Variants in SPTBN5 observed in about 807,000 individuals in gnomAD.
SPTBN5 encodes spectrin beta chain, non-erythrocytic 5.
Under a neutral mutation model 477.6 loss-of-function variants are expected in SPTBN5, and 513 were observed. That is an observed-to-expected ratio of 1.07 (90% CI 1.00 to 1.16). SPTBN5 has a LOEUF of 1.16. Ranked by LOEUF, SPTBN5 falls within the 50% of genes most tolerant of loss-of-function variation. The probability of loss-of-function intolerance (pLI) is 0.00; values close to 1 mark genes in which losing one functional copy is unlikely to be tolerated. For missense variants in SPTBN5, 5,062 were observed against 4,731.8 expected, an observed-to-expected ratio of 1.07 and a Z score of -2.05; for synonymous variants, 2,169 against 2,011.7, an observed-to-expected ratio of 1.08 and a Z score of -2.09.
Position 41,876,668 on chromosome 15 carries a change from G to A in SPTBN5, c.3852-21C>T, listed in dbSNP as rs772650529. On this transcript the variant is annotated intron_variant, in intron 19 of 67. Coordinates refer to ENST00000320955, the MANE Select transcript of SPTBN5 (RefSeq NM_016642.4). The stretch of plus-strand genomic sequence containing the variant: ...TGACCCTGGAGGGCGGGGGGGGGTT[G>A]GAGGAGGGCATGGGAGAGGACTCCC... 8.7e-6 allele frequency: 13 copies of A among 1,495,714 alleles called. No individual in the cohort carries two copies. In the South Asian group the frequency reaches 1.0e-4, roughly 12 times the overall value. The allele number at this position is 1,495,714 out of a possible 1,614,324, so 92.7% of individuals were successfully genotyped here.
rs1387615109 is a variant in SPTBN5 at position 41,872,448 on chromosome 15, C to T, written c.5019G>A (p.Glu1673=). The stretch of plus-strand genomic sequence containing the variant: ...TGGAGCTCCAGTAAATGGCTAGTTC[C>T]TCCTGTAGAGCCTATGATGCATGAG... ...RLINKHQALQ[E]ELAIYWSSME... Residue 1673 remains glutamate, a synonymous_variant, in exon 27 of 68, where the codon GAG becomes GAA. Coordinates refer to ENST00000320955, the MANE Select transcript of SPTBN5 (RefSeq NM_016642.4). 3 of 1,560,608 alleles carry T rather than the reference C, an allele frequency of 1.9e-6. No homozygotes were observed. The highest frequency in any genetic ancestry group is 1.2e-5 in the South Asian group (1 of 84,760).
intron 6 of SPTBN5, among the ~76,000 whole-genome samples, chr15:41,886,659 T>C (rs2067161974): frequency 6.6e-6 from 1 of 152,134 alleles, no homozygotes; most frequent in Non-Finnish European, 1.5e-5. Flanking sequence ...CTGCTGTTCT[T>C]TTTCTAGGCC....
Position 41,893,276 on chromosome 15 carries a change from A to G in SPTBN5, c.216+6T>C. On this transcript the variant is annotated splice_donor_region_variant and intron_variant, in intron 2 of 67. Transcript: ENST00000320955. ...TGGGCTGTGGGTCACAGCTGGCTAT[A>G]CTCACCTGGCCGCACTGGAAGACGT... 1.2e-6 allele frequency: 2 copies of G among 1,613,816 alleles called. No homozygotes were observed. Among genetic ancestry groups the G allele is most frequent in the Non-Finnish European group, 8.5e-7 (1 of 1,179,864 alleles).
chr15:41,883,609 G>C, intron 7 of SPTBN5, 123 bp from the exon 8 acceptor site: 4 of 1,163,590 alleles, frequency 3.4e-6, no homozygotes, highest in Non-Finnish European at 4.9e-6. Context: ...GCTGGGGCAA[G>C]GTCTATGGAC....
chr15:41,891,644 C>T (rs1470676888), intron 3 of SPTBN5, among the ~76,000 whole-genome samples: 1 of 152,198 alleles, frequency 6.6e-6, no homozygotes, highest in African/African-American at 2.4e-5. Flanking sequence ...CAGCACACCG[C>T]TGATCTGGGT....
chr15:41,853,706 G>C lies in SPTBN5; in HGVS notation c.9856C>G (p.Pro3286Ala). The C allele has an allele frequency of 6.3e-7, 1 of 1,596,658 alleles. No homozygotes were observed. Among genetic ancestry groups the C allele is most frequent in the Non-Finnish European group, 8.5e-7 (1 of 1,172,840 alleles). Residue 3286 changes from proline (P) to alanine (A), a missense_variant, in exon 58 of 68, where the codon CCG becomes GCG. Physicochemically the swap from Pro to Ala is conservative, Grantham distance 27 (BLOSUM62 -1). Coordinates refer to ENST00000320955, the MANE Select transcript of SPTBN5 (RefSeq NM_016642.4). ...CRLGQLHPAA[P>A]GGLAKVQEAW... ...TCCTGCACCTTGGCCAGGCCCCCCG[G>C]AGCTGCAGGATGTAGCTGGCCCAGT...
At chr15:41,862,480 G>A in intron 43 of SPTBN5, 59 bp downstream of exon 43, 1 of 1,560,796 alleles carries the variant, frequency 6.4e-7, no homozygotes, top group Non-Finnish European at 8.7e-7. Flanking sequence ...CTGAGGGGAG[G>A]TGTGGGGACT....
rs1263751867 is a variant in SPTBN5 at position 41,872,305 on chromosome 15, G to A, written c.5162C>T (p.Thr1721Ile). Reference protein sequence around the residue: ...QLRALQELAATRDRELEGTLR... With the variant: ...QLRALQELAAIRDRELEGTLR... Reference sequence around the variant, plus strand: ...AGAGGGGTTATGGTGTCCTCACCGTGTGGCCGCCAACTCCTGCAGTGCCCG... The same window carrying A: ...AGAGGGGTTATGGTGTCCTCACCGTATGGCCGCCAACTCCTGCAGTGCCCG... Residue 1721 changes from threonine to isoleucine, a missense_variant, in exon 27 of 68, where the codon ACA becomes ATA. Coordinates refer to ENST00000320955, the MANE Select transcript of SPTBN5 (RefSeq NM_016642.4). 9 of 1,610,350 alleles carry A rather than the reference G, an allele frequency of 5.6e-6. No individual in the cohort carries two copies. The highest frequency in any genetic ancestry group is 7.6e-6 in the Non-Finnish European group (9 of 1,179,402).
At position 41,887,350 on chromosome 15, in the gene SPTBN5, T is replaced by C. The variant is rs2140967910; in HGVS notation, c.751A>G (p.Ile251Val). ...TCCTCGGGGTCCAGCAGCTGAGCAA[T>C]GCCCAGCTCCTGCTCAGCCACCAGG... ...AFLVAEQELG[I>V]AQLLDPEDVA... Residue 251 changes from isoleucine (I) to valine (V), a missense_variant, in exon 6 of 68, where the codon ATT becomes GTT. Ile to Val is a conservative substitution (Grantham distance 29). Transcript: ENST00000320955. The C allele has an allele frequency of 3.2e-6, 5 of 1,552,512 alleles. No homozygotes were observed. The highest frequency in any genetic ancestry group is 4.4e-6 in the Non-Finnish European group (5 of 1,147,732).
In SPTBN5 at chr15:41,851,042, C is replaced by A; in HGVS notation, c.10835+17G>T. ...GGCTGCTGGGGGTGATGCCGGAGTC[C>A]ATGTCTCTCCGCTCACCTTAAGGAG... On this transcript the variant is annotated intron_variant, in intron 65 of 67. Transcript: ENST00000320955. The A allele has an allele frequency of 6.2e-7, 1 of 1,608,076 alleles. No homozygotes were observed. The highest frequency in any genetic ancestry group is 1.1e-5 in the South Asian group (1 of 89,958).
At chr15:41,855,122 C>G in intron 55 of SPTBN5, 102 bp downstream of exon 55, 1 of 1,455,222 alleles carries the variant, frequency 6.9e-7, no homozygotes, top group South Asian at 1.3e-5. Context: ...GACACCCTCT[C>G]CAGGCTCCTT....
chr15:41,874,097 A>G, intron 24 of SPTBN5, 52 bp from the exon 25 acceptor site: 1 of 1,542,960 alleles, frequency 6.5e-7, no homozygotes, highest in Non-Finnish European at 8.7e-7. Flanking sequence ...GGGCGTCCGG[A>G]GCAGAGCCAT....
intron 14 of SPTBN5, 102 bp downstream of exon 14, chr15:41,880,058 C>T: frequency 6.9e-7 from 1 of 1,452,696 alleles, no homozygotes; most frequent in Non-Finnish European, 9.2e-7. Context: ...CTCCCCTCCC[C>T]CAGGCAGGAC....
chr15:41,878,026 G>A (rs545586693), intron 17 of SPTBN5, among the ~76,000 whole-genome samples: 106 of 152,316 alleles, frequency 7.0e-4, no homozygotes, highest in Non-Finnish European at 1.2e-3. Context: ...GACGGCAGGG[G>A]GGGCTAGACG....
Position 41,856,501 on chromosome 15 carries a change from TC to T in SPTBN5, c.8905del (p.Glu2969ArgfsTer37), listed in dbSNP as rs1279118724. The T allele has an allele frequency of 6.3e-7, 1 of 1,598,842 alleles. No individual in the cohort carries two copies. The highest frequency in any genetic ancestry group is 8.5e-7 in the Non-Finnish European group (1 of 1,174,184). Reference protein sequence around the residue: ...LVQAGHFAAHEVAARVQQLEK... With the variant: ...LVQAGHFAAHXVAARVQQLEK... ...CAGCTGCTGCACCCGGGCGGCCACC[TC>T]GTGGGCGGCAAAGTGCCCAGCCTGC... On this transcript the variant is annotated frameshift_variant, in exon 53 of 68. Transcript: ENST00000320955. LOFTEE classifies it high-confidence loss of function.
Position 41,883,148 on chromosome 15 carries a change from A to G in SPTBN5, c.1740T>C (p.Ala580=), listed in dbSNP as rs2067032655. ...ELLQRHDLLE[A]QVSAHGAHVS... ...CATGGGCTCCGTGGGCCGAGACTTG[A>G]GCCTCCAGCAGGTCATGCCTCTGCA... The change falls in exon 9 of 68, where the codon GCT becomes GCC. Residue 580 remains alanine, a synonymous_variant. Transcript: ENST00000320955. 1 of 1,612,726 alleles carries G rather than the reference A, an allele frequency of 6.2e-7. No homozygotes were observed. The highest frequency in any genetic ancestry group is 8.5e-7 in the Non-Finnish European group (1 of 1,179,768).
chr15:41,849,112 C>T (rs1393488264), intron 67 of SPTBN5, among the ~76,000 whole-genome samples: 1 of 152,208 alleles, frequency 6.6e-6, no homozygotes, highest in Non-Finnish European at 1.5e-5. Context: ...GGCATGGGGC[C>T]CATGCACGGA....
chr15:41,858,142 C>CA (rs1189426589), intron 49 of SPTBN5, among the ~76,000 whole-genome samples: 2 of 152,100 alleles, frequency 1.3e-5, no homozygotes, highest in African/African-American at 4.8e-5. Context: ...ACCAAAAATA[C>CA]AAAAAAGTAG....
intron 43 of SPTBN5, 98 bp downstream of exon 43, chr15:41,862,441 G>T: frequency 6.6e-7 from 1 of 1,524,458 alleles, no homozygotes; most frequent in East Asian, 2.3e-5. Flanking sequence ...TTTGAAGGGT[G>T]GAGAAGGAAT....
Sources: gnomAD v4.1 joint callset for allele counts (sites outside exome capture counted in the v4.1 genomes callset) on GRCh38, gnomAD v4.1.1 for gene constraint, MANE v1.5 for transcripts, NCBI Gene and HGNC (gene_info 2026-07-23, HGNC 2026-07-21) for gene names.